ITGAE: variants seen among roughly 807,000 people sequenced by gnomAD.
The protein encoded by ITGAE is integrin subunit alpha E, also known as integrin alpha-E.
Under a neutral mutation model 136.5 loss-of-function variants are expected in ITGAE, and 99 were observed. The ratio of observed to expected loss-of-function variants is 0.73; its 90% confidence interval spans 0.62 to 0.86. The LOEUF (loss-of-function observed/expected upper bound fraction) is 0.86. Among genes scored for constraint, ITGAE ranks in the 40% least tolerant of loss-of-function variants. The probability of loss-of-function intolerance (pLI) is 0.00; values close to 1 mark genes in which losing one functional copy is unlikely to be tolerated. For missense variants in ITGAE, 1,447 were observed against 1,515.3 expected, an observed-to-expected ratio of 0.95 and a Z score of 0.75; for synonymous variants, 613 against 591.8, an observed-to-expected ratio of 1.04 and a Z score of -0.52.
At chr17:3,743,708 T>TTTTC in intron 18 of ITGAE, 91 bp from the exon 19 acceptor site, 1 of 1,247,362 alleles carries the variant, frequency 8.0e-7, no homozygotes, top group Non-Finnish European at 1.1e-6. Flanking sequence ...TTTTTTTCTT[T>TTTTC]TTTTTTTTTT....
At chr17:3,792,695 C>G (rs2052972570) in intron 1 of ITGAE, among the ~76,000 whole-genome samples, 1 of 152,190 alleles carries the variant, frequency 6.6e-6, no homozygotes, top group Non-Finnish European at 1.5e-5. Context: ...CAGAAGTGTT[C>G]CTAAAATCCT....
chr17:3,717,111 T>A (rs1181146990), intron 29 of ITGAE: 3 of 292,020 alleles, frequency 1.0e-5, no homozygotes, highest in Non-Finnish European at 2.0e-5. Flanking sequence ...CGGAATCCGG[T>A]CTCAACACAG....
At chr17:3,788,520 G>C (rs1245089152) in intron 1 of ITGAE, among the ~76,000 whole-genome samples, 1 of 113,856 alleles carries the variant, frequency 8.8e-6, no homozygotes, top group African/African-American at 3.4e-5. Flanking sequence ...AGCTGGTCTT[G>C]AACTCCTAGG....
intron 17 of ITGAE, 87 bp downstream of exon 17, chr17:3,747,834 CG>C: frequency 1.5e-5 from 4 of 268,164 alleles, no homozygotes; most frequent in African/African-American, 2.4e-5. Context: ...ACCCACCCCC[CG>C]CCCCAGTCCT....
intron 10 of ITGAE, 140 bp downstream of exon 10, chr17:3,756,844 T>C (rs1164047234): frequency 4.4e-6 from 4 of 914,448 alleles, no homozygotes; most frequent in African/African-American, 3.4e-5. Context: ...CACCCGGCCA[T>C]TGCCTTTTTA....
At chr17:3,723,808 C>T (rs2051120170) in intron 26 of ITGAE, 64 bp from the exon 27 acceptor site, 1 of 1,582,216 alleles carries the variant, frequency 6.3e-7, no homozygotes, top group Non-Finnish European at 8.6e-7. Context: ...CCGTCCCGTC[C>T]CGGCCCCGGC....
intron 20 of ITGAE, among the ~76,000 whole-genome samples, chr17:3,736,310 AAAAT>A (rs144337236): frequency 3.3e-3 from 503 of 152,264 alleles, no homozygotes; most frequent in Admixed American, 5.6e-3. Flanking sequence ...ACTCTGTCTC[AAAAT>A]AAATAAATAA....
chr17:3,752,842 G>A (rs2051904789), intron 14 of ITGAE, among the ~76,000 whole-genome samples: 1 of 151,878 alleles, frequency 6.6e-6, no homozygotes, highest in Non-Finnish European at 1.5e-5. Flanking sequence ...CTGAGGTCGG[G>A]AGTTCAAGAC....
At position 3,731,186 on chromosome 17, in the gene ITGAE, A is replaced by G. The variant is rs1055955503; in HGVS notation, c.2755-3T>C. The G allele has an allele frequency of 5.6e-6, 9 of 1,612,810 alleles. No individual in the cohort carries two copies. Among genetic ancestry groups the G allele is most frequent in the African/African-American group, 2.7e-5 (2 of 74,864 alleles). On this transcript the variant is annotated splice_polypyrimidine_tract_variant and splice_region_variant and intron_variant, in intron 22 of 30. Coordinates refer to ENST00000263087, the MANE Select transcript of ITGAE (RefSeq NM_002208.5). ...TGCCAAACGACTGAAACATGAGCCT[A>G]TTTTAAAGGGGGAAAAATGGTCAGT...
chr17:3,723,161 T>C (rs2051093405), intron 28 of ITGAE, 127 bp downstream of exon 28: 1 of 679,244 alleles, frequency 1.5e-6, no homozygotes. Context: ...GACAGAGGGT[T>C]GGTTTTTTGC....
chr17:3,755,826 G>A lies in ITGAE; in HGVS notation c.1239+4C>T, dbSNP rs915039169. On this transcript the variant is annotated splice_donor_region_variant and intron_variant, in intron 11 of 30. Transcript: ENST00000263087. ...GCCTGCCTGGTGCTGAGTCAGCCAC[G>A]TACCTCATCCAGGATCTGAGCACTG... 6.3e-6 allele frequency: 10 copies of A among 1,589,688 alleles called. No individual in the cohort carries two copies. The highest frequency in any genetic ancestry group is 4.6e-5 in the South Asian group (4 of 87,050).
intron 12 of ITGAE, 98 bp downstream of exon 12, chr17:3,755,019 T>G: frequency 4.7e-5 from 11 of 231,664 alleles, no homozygotes; most frequent in Non-Finnish European, 6.0e-5. Context: ...GGCCCCGCCC[T>G]CGCCCACGTA....
rs746282209 is a variant in ITGAE at position 3,719,235 on chromosome 17, CAA to C, written c.3333+1070_3333+1071del. ...TGGGCGACACAGTGAGATTCTTCCT[CAA>C]AAAAAAAAAAAAAAAAAAAGAAAAG... On this transcript the variant is annotated intron_variant, in intron 29 of 30. Coordinates refer to ENST00000263087, the MANE Select transcript of ITGAE (RefSeq NM_002208.5). Among the ~76,000 whole-genome samples, 8 of 66,240 alleles carry C rather than the reference CAA, an allele frequency of 1.2e-4. No individual in the cohort carries two copies. The East Asian group carries it at 2.0e-3, about 17-fold the overall frequency. The allele number at this position is 66,240 out of a possible 152,430, so 43.5% of individuals were successfully genotyped here.
rs1176688601 is a variant in ITGAE at position 3,755,891 on chromosome 17, A to G, written c.1178T>C (p.Val393Ala). Residue 393 changes from valine to alanine, a missense_variant, in exon 11 of 31, where the codon GTT becomes GCT. Physicochemically the swap from Val to Ala is moderately conservative, Grantham distance 64. This residue lies in a region of ITGAE where 1,031 missense variants were observed against 1,011.4 expected (regional missense o/e 1.02). Coordinates refer to ENST00000263087, the MANE Select transcript of ITGAE (RefSeq NM_002208.5). The part of the protein sequence containing the change: ...RYNIISMEGT[V>A]GDALHYQLAQ... ...CAGCTGGTAGTGAAGGGCGTCTCCA[A>G]CCGTGCCTGCAAGCCAAGAAGCCCA... 6 of 1,595,446 alleles carry G rather than the reference A, an allele frequency of 3.8e-6. No homozygotes were observed. The Admixed American group carries it at 8.8e-5, about 23-fold the overall frequency.
chr17:3,736,021 G>A (rs1164820482), intron 20 of ITGAE, among the ~76,000 whole-genome samples: 2 of 152,154 alleles, frequency 1.3e-5, no homozygotes, highest in Admixed American at 1.3e-4. Flanking sequence ...GCAGGTGCCT[G>A]TAATCCCAGC....
chr17:3,725,598 G>C, intron 26 of ITGAE: 1 of 1,614,096 alleles, frequency 6.2e-7, no homozygotes, highest in South Asian at 1.1e-5. Flanking sequence ...CCGCACAGAA[G>C]GCTTTATCGG....
chr17:3,795,842 T>G (rs547828767), intron 1 of ITGAE, among the ~76,000 whole-genome samples: 1 of 142,420 alleles, frequency 7.0e-6, no homozygotes. Context: ...TGTGCATGTG[T>G]GCATCTGTGT....
chr17:3,769,833 G>A (rs2052378678), intron 2 of ITGAE, among the ~76,000 whole-genome samples: 1 of 151,858 alleles, frequency 6.6e-6, no homozygotes, highest in African/African-American at 2.4e-5. Flanking sequence ...GGGATTACAG[G>A]CATGTGCCAC....
intron 2 of ITGAE, among the ~76,000 whole-genome samples, chr17:3,771,125 A>T (rs1442273048): frequency 2.6e-5 from 4 of 152,004 alleles, no homozygotes; most frequent in Non-Finnish European, 5.9e-5. Flanking sequence ...TCATCCATCA[A>T]AAGGAGGTGC....
Sources: allele counts gnomAD v4.1 joint callset (sites outside exome capture counted in the v4.1 genomes callset), GRCh38; gene constraint gnomAD v4.1.1; regional missense constraint gnomAD v4.1.1; transcripts MANE v1.5; gene names NCBI Gene and HGNC (gene_info 2026-07-23, HGNC 2026-07-21).